Variants in CSMD1 observed in about 807,000 individuals in gnomAD.
The protein encoded by CSMD1 is CUB and sushi domain-containing protein 1.
In CSMD1, 213 loss-of-function variants were observed where a neutral mutation model predicts 417.5. That is an observed-to-expected ratio of 0.51 (90% CI 0.46 to 0.57). The LOEUF (loss-of-function observed/expected upper bound fraction) is 0.57, where lower values mean the gene tolerates loss of function less well. Among genes scored for constraint, CSMD1 ranks in the 20% least tolerant of loss-of-function variants. CSMD1 has a pLI of 0.00. For missense variants in CSMD1, 6,923 were observed against 4,529.7 expected (o/e 1.53, Z -15.17); for synonymous variants, 2,862 against 1,736.8 (o/e 1.65, Z -16.11).
intron 1 of CSMD1, among the ~76,000 whole-genome samples, chr8:4,814,529 G>A (rs769198374): frequency 1.3e-5 from 2 of 152,132 alleles, no homozygotes; most frequent in Non-Finnish European, 2.9e-5. Context: ...TTACAGGTAT[G>A]AGGTAATAAT....
At chr8:3,458,320 T>C (rs1816286429) in intron 12 of CSMD1, among the ~76,000 whole-genome samples, 1 of 152,214 alleles carries the variant, frequency 6.6e-6, no homozygotes, top group Non-Finnish European at 1.5e-5. Flanking sequence ...TTTAAATATT[T>C]AATAATGGCT....
intron 3 of CSMD1, among the ~76,000 whole-genome samples, chr8:4,197,002 T>A (rs150612270): frequency 4.8e-4 from 73 of 152,362 alleles, no homozygotes; most frequent in African/African-American, 1.7e-3. Context: ...TTCTACGCTT[T>A]CTATTTTTTA....
intron 7 of CSMD1, among the ~76,000 whole-genome samples, chr8:3,666,599 C>T (rs28604399): frequency 0.16 from 24,031 of 152,094 alleles, 2,109 homozygotes; most frequent in South Asian, 0.22. Context: ...GCTCCCATAA[C>T]TCCCATGTGT....
At chr8:4,037,579 G>A (rs1308594772) in intron 3 of CSMD1, among the ~76,000 whole-genome samples, 1 of 149,588 alleles carries the variant, frequency 6.7e-6, no homozygotes, top group African/African-American at 2.5e-5. Flanking sequence ...TTTTTCAACT[G>A]ACAGGGATTG....
intron 3 of CSMD1, among the ~76,000 whole-genome samples, chr8:4,156,093 C>G (rs1011904347): frequency 8.5e-5 from 13 of 152,114 alleles, no homozygotes; most frequent in African/African-American, 2.2e-4. Context: ...CTGGAGTTAT[C>G]AGAGCATAAT....
At chr8:3,901,884 C>G (rs1409191069) in intron 5 of CSMD1, among the ~76,000 whole-genome samples, 1 of 152,120 alleles carries the variant, frequency 6.6e-6, no homozygotes, top group Non-Finnish European at 1.5e-5. Context: ...AGTGCTTTTC[C>G]CATTAGATCA....
rs146771527 is a variant in CSMD1 at position 4,148,813 on chromosome 8, G to A, written c.416-116714C>T. On this transcript the variant is annotated intron_variant, in intron 3 of 69. Coordinates refer to ENST00000635120, the MANE Select transcript of CSMD1 (RefSeq NM_033225.6). The stretch of plus-strand genomic sequence containing the variant: ...CAGGTGCATTGGGAAGGGATGTCAT[G>A]ATTCAGTCCCTCATGCTGCCTTTGG... Among the ~76,000 whole-genome samples, 98 of 152,270 alleles carry A rather than the reference G, an allele frequency of 6.4e-4. 1 individual carries two copies. In the East Asian group the frequency reaches 0.017, roughly 27 times the overall value.
chr8:3,321,690 A>G (rs1806165462), intron 23 of CSMD1, among the ~76,000 whole-genome samples: 1 of 150,994 alleles, frequency 6.6e-6, no homozygotes, highest in Non-Finnish European at 1.5e-5. Context: ...ATTCTAGACA[A>G]TGTGTCTGTA....
chr8:3,606,298 C>T (rs1040975222), intron 8 of CSMD1, among the ~76,000 whole-genome samples: 1 of 152,116 alleles, frequency 6.6e-6, no homozygotes, highest in Non-Finnish European at 1.5e-5. Flanking sequence ...CTTACACCCA[C>T]CCAGATGGTG....
chr8:4,159,387 C>G (rs1797017987), intron 3 of CSMD1, among the ~76,000 whole-genome samples: 1 of 152,130 alleles, frequency 6.6e-6, no homozygotes, highest in African/African-American at 2.4e-5. Context: ...TATGTGATAT[C>G]TACCGAGGGG....
chr8:2,971,258 G>A (rs1199408774), intron 57 of CSMD1, among the ~76,000 whole-genome samples: 2 of 151,770 alleles, frequency 1.3e-5, no homozygotes, highest in African/African-American at 4.8e-5. Context: ...ATCATCTCAG[G>A]GTCAGACTCT....
intron 3 of CSMD1, among the ~76,000 whole-genome samples, chr8:4,321,192 C>T (rs959660065): frequency 1.3e-5 from 2 of 152,060 alleles, no homozygotes; most frequent in Non-Finnish European, 2.9e-5. Flanking sequence ...GTGTAGGGTT[C>T]AACATGTGTG....
At chr8:4,278,807 T>C (rs928913675) in intron 3 of CSMD1, among the ~76,000 whole-genome samples, 8 of 152,198 alleles carry the variant, frequency 5.3e-5, no homozygotes, top group Non-Finnish European at 7.3e-5. Context: ...TTTGTGTTTA[T>C]AAATTTGGCT....
chr8:4,114,398 C>G (rs1802022547), intron 3 of CSMD1, among the ~76,000 whole-genome samples: 2 of 152,240 alleles, frequency 1.3e-5, no homozygotes, highest in Middle Eastern at 3.4e-3. Context: ...AAAAAGATTC[C>G]TTTCAAAATA....
chr8:4,631,333 G>C (rs914007466), intron 2 of CSMD1, among the ~76,000 whole-genome samples: 2 of 152,004 alleles, frequency 1.3e-5, no homozygotes, highest in African/African-American at 4.8e-5. Flanking sequence ...CCACGCTCCA[G>C]CCTGGGAGAC....
intron 25 of CSMD1, 80 bp from the exon 26 acceptor site, chr8:3,284,426 AT>A (rs1802988833): frequency 9.1e-7 from 1 of 1,098,890 alleles, no homozygotes; most frequent in African/African-American, 1.5e-5. Context: ...AAGCAAGCTC[AT>A]TTCGCTTTCA....
At chr8:4,537,139 T>G (rs1016507625) in intron 2 of CSMD1, among the ~76,000 whole-genome samples, 1 of 152,226 alleles carries the variant, frequency 6.6e-6, no homozygotes, top group Admixed American at 6.5e-5. Flanking sequence ...AAAACTGTAT[T>G]ACAATTTGGG....
intron 52 of CSMD1, among the ~76,000 whole-genome samples, chr8:3,012,333 T>C (rs1022782743): frequency 8.5e-5 from 13 of 152,168 alleles, no homozygotes; most frequent in African/African-American, 2.9e-4. Context: ...TGTCCTATAG[T>C]TGACATTCTC....
At chr8:4,943,937 T>C (rs577875615) in intron 1 of CSMD1, among the ~76,000 whole-genome samples, 4 of 152,260 alleles carry the variant, frequency 2.6e-5, no homozygotes, top group African/African-American at 9.6e-5. Flanking sequence ...ATATTGATTA[T>C]GGAAAGACAG....
Sources: allele counts gnomAD v4.1 joint callset (sites outside exome capture counted in the v4.1 genomes callset), GRCh38; gene constraint gnomAD v4.1.1; transcripts MANE v1.5; gene names NCBI Gene and HGNC (gene_info 2026-07-23, HGNC 2026-07-21).